The following PLPP4 variants were observed in gnomAD, a reference collection of about 807,000 sequenced individuals.
The protein encoded by PLPP4 is phospholipid phosphatase 4, also known as diacylglycerol pyrophosphate like 2.
Under a neutral mutation model 32.2 loss-of-function variants are expected in PLPP4, and 20 were observed. The ratio of observed to expected loss-of-function variants is 0.62; its 90% CI spans 0.44 to 0.90. PLPP4 has a LOEUF of 0.90. Among genes scored for constraint, PLPP4 ranks in the 40% least tolerant of loss-of-function variants. The probability of loss-of-function intolerance (pLI) is 0.00; values close to 1 mark genes in which losing one functional copy is unlikely to be tolerated. For synonymous variants in PLPP4, 127 were observed against 133.0 expected, an observed-to-expected ratio of 0.95 and a Z score of 0.31; for missense variants, 257 against 353.1, an observed-to-expected ratio of 0.73 and a Z score of 2.18.
At chr10:120,511,239 G>A (rs527741122) in intron 2 of PLPP4, among the ~76,000 whole-genome samples, 1 of 152,338 alleles carries the variant, frequency 6.6e-6, no homozygotes, top group South Asian at 2.1e-4. Context: ...ATCAGGCCAT[G>A]AGCTTGGAGT....
At position 120,540,827 on chromosome 10, in the gene PLPP4, G is replaced by A. The variant is rs564795604; in HGVS notation, c.445+19732G>A. Among the ~76,000 whole-genome samples the A allele has an allele frequency of 3.3e-5, 5 of 152,340 alleles. No individual in the cohort carries two copies. The South Asian group carries it at 1.0e-3, about 32-fold the overall frequency. On this transcript the variant is annotated intron_variant, in intron 5 of 6. Coordinates refer to ENST00000398250, the MANE Select transcript of PLPP4 (RefSeq NM_001030059.3). The stretch of plus-strand genomic sequence containing the variant: ...ATTACTTCTGAAGGAAGAATGAGGT[G>A]AGAACAGGCCATGAGAAGTGAGAGC...
intron 1 of PLPP4, among the ~76,000 whole-genome samples, chr10:120,492,082 A>G (rs1231473831): frequency 1.3e-5 from 2 of 152,184 alleles, no homozygotes; most frequent in Non-Finnish European, 2.9e-5. Context: ...ATTATCTCAA[A>G]TCTTCACCAC....
At chr10:120,457,408 A>T (rs1296217462) in intron 1 of PLPP4, 47 bp downstream of exon 1, 1 of 1,501,956 alleles carries the variant, frequency 6.7e-7, no homozygotes, top group Non-Finnish European at 9.0e-7. Flanking sequence ...GCGGGGGAAC[A>T]ACCGACCAAG....
intron 1 of PLPP4, among the ~76,000 whole-genome samples, chr10:120,482,000 G>T (rs2133818767): frequency 6.6e-6 from 1 of 152,234 alleles, no homozygotes; most frequent in African/African-American, 2.4e-5. Context: ...GCTTCTCCTT[G>T]CCTTCCACCA....
At chr10:120,543,584 G>A (rs1847464086) in intron 5 of PLPP4, among the ~76,000 whole-genome samples, 1 of 152,158 alleles carries the variant, frequency 6.6e-6, no homozygotes, top group African/African-American at 2.4e-5. Context: ...GAACATTTCT[G>A]AAGGTGTAGA....
rs920889104 is a variant in PLPP4 at position 120,492,611 on chromosome 10, G to A, written c.57-11207G>A. Among the ~76,000 whole-genome samples, 11 of 152,284 alleles carry A rather than the reference G, an allele frequency of 7.2e-5. No homozygotes were observed. The South Asian group carries it at 1.0e-3, about 14-fold the overall frequency. On this transcript the variant is annotated intron_variant, in intron 1 of 6. Transcript: ENST00000398250. ...TATCTCCATTTACAGAAGAGGGCTC[G>A]GAGGGGACATATGCCTTGCCCAAAT...
Position 120,518,378 on chromosome 10 carries a change from T to C in PLPP4, c.257-455T>C, listed in dbSNP as rs561292290. On this transcript the variant is annotated intron_variant, in intron 3 of 6. Transcript: ENST00000398250. ...CGGTGATGGGTCAATAATGAGATAA[T>C]TGCCGAGTGGGAATGTCCTTTTCTG... Among the ~76,000 whole-genome samples the C allele has an allele frequency of 5.3e-5, 8 of 152,278 alleles. No individual in the cohort carries two copies. In the East Asian group the frequency reaches 1.4e-3, roughly 26 times the overall value.
At chr10:120,497,096 G>C (rs1222050235) in intron 1 of PLPP4, among the ~76,000 whole-genome samples, 1 of 151,990 alleles carries the variant, frequency 6.6e-6, no homozygotes, top group Non-Finnish European at 1.5e-5. Flanking sequence ...GTGATGCCAC[G>C]TGTGCCTCTG....
At chr10:120,563,796 G>C in intron 5 of PLPP4, among the ~76,000 whole-genome samples, 1 of 85,916 alleles carries the variant, frequency 1.2e-5, no homozygotes, top group Non-Finnish European at 2.2e-5. Context: ...GACAGAGCGA[G>C]ACTCCGTCTC....
At chr10:120,570,079 G>A (rs951314937) in intron 5 of PLPP4, among the ~76,000 whole-genome samples, 22 of 152,104 alleles carry the variant, frequency 1.4e-4, no homozygotes, top group Admixed American at 1.2e-3. Context: ...GTGTTGTTCT[G>A]GGGATGAAAT....
chr10:120,487,171 G>C (rs1844496965), intron 1 of PLPP4, among the ~76,000 whole-genome samples: 2 of 152,230 alleles, frequency 1.3e-5, no homozygotes, highest in Admixed American at 6.5e-5. Context: ...CACAACTGCA[G>C]GTTCCAGAGA....
chr10:120,509,414 G>C (rs1471734057), intron 2 of PLPP4, among the ~76,000 whole-genome samples: 1 of 152,086 alleles, frequency 6.6e-6, no homozygotes, highest in Non-Finnish European at 1.5e-5. Context: ...CCAGCCTGTG[G>C]AATACATACA....
intron 1 of PLPP4, among the ~76,000 whole-genome samples, chr10:120,458,802 A>C (rs938892469): frequency 1.3e-5 from 2 of 152,242 alleles, no homozygotes; most frequent in African/African-American, 4.8e-5. Flanking sequence ...CTGTGTGATC[A>C]GATGGGGACA....
intron 5 of PLPP4, among the ~76,000 whole-genome samples, chr10:120,543,468 A>G (rs1439362196): frequency 6.6e-6 from 1 of 152,094 alleles, no homozygotes; most frequent in Non-Finnish European, 1.5e-5. Context: ...CTTTGGCATC[A>G]AGTCCAGATT....
intron 3 of PLPP4, 32 bp from the exon 4 acceptor site, chr10:120,518,801 C>T: frequency 6.3e-7 from 1 of 1,593,700 alleles, no homozygotes; most frequent in Non-Finnish European, 8.6e-7. Context: ...AGCCAGCTTG[C>T]TATTTTTCTG....
At chr10:120,576,810 T>C (rs572669403) in intron 6 of PLPP4, among the ~76,000 whole-genome samples, 2 of 152,264 alleles carry the variant, frequency 1.3e-5, no homozygotes, top group African/African-American at 2.4e-5. Flanking sequence ...CATCATGAGA[T>C]GGAAGGATGG....
intron 1 of PLPP4, among the ~76,000 whole-genome samples, chr10:120,475,373 G>A (rs1843852896): frequency 6.6e-6 from 1 of 152,156 alleles, no homozygotes; most frequent in African/African-American, 2.4e-5. Context: ...GCGTTAGCAT[G>A]GAACTTCCTC....
At chr10:120,469,360 T>G (rs886098618) in intron 1 of PLPP4, among the ~76,000 whole-genome samples, 8 of 151,878 alleles carry the variant, frequency 5.3e-5, no homozygotes, top group Non-Finnish European at 1.2e-4. Context: ...CCCAGGTAGC[T>G]GGGACTACAG....
intron 1 of PLPP4, among the ~76,000 whole-genome samples, chr10:120,462,849 A>C (rs1848120494): frequency 6.6e-6 from 1 of 152,116 alleles, no homozygotes; most frequent in South Asian, 2.1e-4. Flanking sequence ...TGGAGGCAGC[A>C]GGCGGTGGCC....
Sources: allele counts gnomAD v4.1 joint callset (sites outside exome capture counted in the v4.1 genomes callset), GRCh38; gene constraint gnomAD v4.1.1; transcripts MANE v1.5; gene names NCBI Gene and HGNC (gene_info 2026-07-23, HGNC 2026-07-21).